CNTN6: variants seen among roughly 807,000 people sequenced by gnomAD.
CNTN6 encodes contactin-6.
Under a neutral mutation model 122.8 loss-of-function variants are expected in CNTN6, and 137 were observed. The observed-to-expected ratio is 1.12, with a 90% CI of 0.97 to 1.29. CNTN6 has a LOEUF of 1.29. CNTN6 is among the 50% of genes most tolerant of loss of function. The pLI, the probability that CNTN6 is intolerant of heterozygous loss-of-function variation, is 0.00. For synonymous variants in CNTN6, 570 were observed against 426.0 expected, an observed-to-expected ratio of 1.34 and a Z score of -4.16; for missense variants, 1,634 against 1,223.4, an observed-to-expected ratio of 1.34 and a Z score of -5.01.
At chr3:1,157,063 G>T (rs1294739504) in intron 2 of CNTN6, among the ~76,000 whole-genome samples, 1 of 151,120 alleles carries the variant, frequency 6.6e-6, no homozygotes, top group Non-Finnish European at 1.5e-5. Context: ...TACATAGTAG[G>T]TGTATATATT....
In CNTN6 at chr3:1,324,529, T is replaced by C. The variant is rs1701276006; in HGVS notation, c.947-1286T>C. Among the ~76,000 whole-genome samples, 3 of 149,740 alleles carry C rather than the reference T, an allele frequency of 2.0e-5. No individual in the cohort carries two copies. The South Asian group carries it at 6.2e-4, about 31-fold the overall frequency. On this transcript the variant is annotated intron_variant, in intron 8 of 22. Transcript: ENST00000446702. ...ACTCAGCATTTAAGCATGCCCAGTT[T>C]GGATGTGCCAGTAGTTTACACCTGC...
At chr3:1,158,776 A>ATATG (rs375085319) in intron 2 of CNTN6, among the ~76,000 whole-genome samples, 3 of 113,346 alleles carry the variant, frequency 2.6e-5, no homozygotes, top group Non-Finnish European at 5.3e-5. Context: ...ACACATATAT[A>ATATG]TGTGTGTATA....
At chr3:1,200,929 T>C (rs369570825) in intron 2 of CNTN6, among the ~76,000 whole-genome samples, 20 of 148,916 alleles carry the variant, frequency 1.3e-4, no homozygotes, top group East Asian at 1.9e-4. Context: ...TTCGTTCTTT[T>C]TTTCTTTTTT....
intron 1 of CNTN6, among the ~76,000 whole-genome samples, chr3:1,102,475 A>C (rs368936664): frequency 1.5e-4 from 23 of 152,162 alleles, no homozygotes; most frequent in South Asian, 2.1e-4. Context: ...TCCCGCCTGT[A>C]ATCCCAGCAC....
At chr3:1,263,784 C>T (rs115796178) in intron 4 of CNTN6, among the ~76,000 whole-genome samples, 1,939 of 151,972 alleles carry the variant, frequency 0.013, 21 homozygotes, top group South Asian at 0.026. Context: ...TTAGAGCACA[C>T]TGAAATAAAG....
intron 7 of CNTN6, among the ~76,000 whole-genome samples, chr3:1,319,795 G>A (rs964941821): frequency 7.2e-6 from 1 of 139,514 alleles, no homozygotes; most frequent in Non-Finnish European, 1.6e-5. Flanking sequence ...CATGCTCATT[G>A]CAGGAAAATA....
At chr3:1,244,963 A>G (rs1383727392) in intron 4 of CNTN6, among the ~76,000 whole-genome samples, 2 of 150,282 alleles carry the variant, frequency 1.3e-5, no homozygotes, top group African/African-American at 4.9e-5. Context: ...ACAAATCACA[A>G]TGGTGGAATG....
chr3:1,290,951 T>G (rs1559725881), intron 5 of CNTN6, among the ~76,000 whole-genome samples: 1 of 152,208 alleles, frequency 6.6e-6, no homozygotes, highest in African/African-American at 2.4e-5. Context: ...TATCTCATCC[T>G]GTGACTTAAA....
intron 20 of CNTN6, among the ~76,000 whole-genome samples, chr3:1,388,530 T>C (rs1408699003): frequency 1.8e-4 from 27 of 151,394 alleles, no homozygotes; most frequent in South Asian, 2.1e-4. Flanking sequence ...GGGAACGCAG[T>C]TCCTCACCAG....
chr3:1,331,047 G>T (rs1702219278), intron 11 of CNTN6, among the ~76,000 whole-genome samples: 2 of 151,798 alleles, frequency 1.3e-5, no homozygotes, highest in African/African-American at 4.8e-5. Flanking sequence ...CTAATCCCAA[G>T]ATTTCATTTG....
intron 1 of CNTN6, among the ~76,000 whole-genome samples, chr3:1,132,798 C>T (rs531925804): frequency 2.0e-4 from 31 of 152,178 alleles, no homozygotes; most frequent in Admixed American, 1.2e-3. Context: ...AGTCACTTGA[C>T]GACAGTTAGT....
chr3:1,273,436 C>T (rs150176228), intron 4 of CNTN6, among the ~76,000 whole-genome samples: 3 of 152,250 alleles, frequency 2.0e-5, no homozygotes, highest in African/African-American at 4.8e-5. Flanking sequence ...AGAAAATATT[C>T]GCTGGATGCT....
At chr3:1,193,850 C>T (rs925570069) in intron 2 of CNTN6, among the ~76,000 whole-genome samples, 4 of 152,112 alleles carry the variant, frequency 2.6e-5, no homozygotes, top group East Asian at 1.9e-4. Context: ...AAATAAAATA[C>T]AGTGATCTTA....
chr3:1,364,821 G>A (rs375253265), intron 12 of CNTN6, among the ~76,000 whole-genome samples: 14 of 152,024 alleles, frequency 9.2e-5, no homozygotes, highest in South Asian at 6.2e-4. Flanking sequence ...CATCAAAAGC[G>A]TCACATCATA....
intron 5 of CNTN6, among the ~76,000 whole-genome samples, chr3:1,292,768 C>A (rs543282647): frequency 6.6e-6 from 1 of 152,080 alleles, no homozygotes; most frequent in South Asian, 2.1e-4. Flanking sequence ...AAATGCATAG[C>A]AATTTAAAAT....
intron 4 of CNTN6, among the ~76,000 whole-genome samples, chr3:1,260,872 T>A (rs2094834878): frequency 6.6e-6 from 1 of 152,108 alleles, no homozygotes; most frequent in Non-Finnish European, 1.5e-5. Flanking sequence ...CATGCTGAAC[T>A]GTGAGCCAAT....
At chr3:1,400,560 T>G (rs768982209) in intron 20 of CNTN6, among the ~76,000 whole-genome samples, 17 of 152,140 alleles carry the variant, frequency 1.1e-4, no homozygotes, top group Non-Finnish European at 2.4e-4. Flanking sequence ...ATCAATCAGT[T>G]TGTGATGATT....
intron 11 of CNTN6, among the ~76,000 whole-genome samples, chr3:1,348,328 A>G (rs1317923457): frequency 6.6e-6 from 1 of 151,958 alleles, no homozygotes; most frequent in Non-Finnish European, 1.5e-5. Flanking sequence ...AGAAAAGAGG[A>G]AAAACAATCC....
chr3:1,232,497 A>G (rs2094364916), intron 4 of CNTN6, among the ~76,000 whole-genome samples: 1 of 152,258 alleles, frequency 6.6e-6, no homozygotes, highest in African/African-American at 2.4e-5. Context: ...TAACGCCTAC[A>G]AAGTATTATG....
Sources: gnomAD v4.1 joint callset for allele counts (sites outside exome capture counted in the v4.1 genomes callset) on GRCh38, gnomAD v4.1.1 for gene constraint, MANE v1.5 for transcripts, NCBI Gene and HGNC (gene_info 2026-07-23, HGNC 2026-07-21) for gene names.